Variants in TEKT5 observed in about 807,000 individuals in gnomAD.
TEKT5 encodes the protein tektin-5.
TEKT5 carries 52 observed loss-of-function variants against 48.7 expected under a neutral mutation model. That is an observed-to-expected ratio of 1.07 (90% CI 0.86 to 1.35). The LOEUF is 1.35. Among genes scored for constraint, TEKT5 ranks in the 40% most tolerant of loss-of-function variants. The pLI is 0.00. For missense variants in TEKT5, 831 were observed against 641.6 expected (o/e 1.30, Z -3.19); for synonymous variants, 318 against 267.6 (o/e 1.19, Z -1.84).
At chr16:10,673,948 G>A (rs116335898) in intron 5 of TEKT5, among the ~76,000 whole-genome samples, 3,458 of 152,066 alleles carry the variant, frequency 0.023, 145 homozygotes, top group East Asian at 0.17. Flanking sequence ...CACCACGCCC[G>A]GCCGCTGCAT....
chr16:10,670,427 G>A (rs1326279627), intron 5 of TEKT5, among the ~76,000 whole-genome samples: 1 of 152,058 alleles, frequency 6.6e-6, no homozygotes, highest in Non-Finnish European at 1.5e-5. Flanking sequence ...GCTGAGGCAG[G>A]AGAATCACTT....
In TEKT5 at chr16:10,694,332, T is replaced by G. The variant is rs373418548; in HGVS notation, c.542A>C (p.Asn181Thr). The stretch of plus-strand genomic sequence containing the variant: ...CACCTGCAATGGGCAGTTCACCTCA[T>G]TGGCCGCGCACTCCAGCCGCCTCTT... ...TVKRRLECAA[N>T]EVNCPLQVAL... The change falls in exon 1 of 7, where the codon AAT (asparagine) becomes ACT (threonine). Residue 181 changes from asparagine to threonine, a missense_variant. Transcript: ENST00000283025. The G allele has an allele frequency of 2.3e-5, 37 of 1,604,788 alleles. No homozygotes were observed. Among genetic ancestry groups the G allele is most frequent in the Non-Finnish European group, 3.0e-5 (35 of 1,175,186 alleles).
At chr16:10,633,605 CA>C (rs1366393873) in intron 6 of TEKT5, among the ~76,000 whole-genome samples, 1 of 151,638 alleles carries the variant, frequency 6.6e-6, no homozygotes, top group Non-Finnish European at 1.5e-5. Context: ...TGCAATGGCG[CA>C]ATCATAGCTC....
Position 10,691,775 on chromosome 16 carries a change from T to C in TEKT5, c.565-1750A>G, listed in dbSNP as rs1898982314. 2.0e-5 allele frequency among the ~76,000 whole-genome samples: 3 copies of C among 152,130 alleles called. No individual in the cohort carries two copies. In the South Asian group the frequency reaches 6.2e-4, roughly 32 times the overall value. ...CATACTGGCTAACACGGTGAAACCC[T>C]ATCTCTACTAAAACTACAAAAGATT... On this transcript the variant is annotated intron_variant, in intron 1 of 6. Coordinates refer to ENST00000283025, the MANE Select transcript of TEKT5 (RefSeq NM_144674.2).
At chr16:10,688,191 A>T (rs1273599470) in intron 3 of TEKT5, among the ~76,000 whole-genome samples, 1 of 152,218 alleles carries the variant, frequency 6.6e-6, no homozygotes, top group African/African-American at 2.4e-5. Flanking sequence ...CCTTTCAGCC[A>T]TCATCCCTCC....
At chr16:10,691,518 C>G (rs1053959263) in intron 1 of TEKT5, 7 of 152,520 alleles carry the variant, frequency 4.6e-5, no homozygotes, top group African/African-American at 1.7e-4. Flanking sequence ...GAAGGGAAAA[C>G]AGCAGGTGCA....
chr16:10,635,437 C>T (rs1370796197), intron 6 of TEKT5, among the ~76,000 whole-genome samples: 1 of 152,102 alleles, frequency 6.6e-6, no homozygotes, highest in African/African-American at 2.4e-5. Flanking sequence ...GGGAGGCGAC[C>T]ATTCATTGCC....
chr16:10,657,747 G>A (rs57655353), intron 5 of TEKT5, among the ~76,000 whole-genome samples: 8,528 of 148,884 alleles, frequency 0.057, 804 homozygotes, highest in African/African-American at 0.2. Context: ...CCACCACTAC[G>A]CCAAGCTAAT....
intron 1 of TEKT5, chr16:10,692,665 G>A (rs576342899): frequency 1.3e-5 from 2 of 152,278 alleles, no homozygotes; most frequent in African/African-American, 2.4e-5. Flanking sequence ...GACACACGAC[G>A]GACCTTCTAG....
chr16:10,678,095 G>C (rs1309006962), intron 4 of TEKT5, among the ~76,000 whole-genome samples: 1 of 152,136 alleles, frequency 6.6e-6, no homozygotes, highest in African/African-American at 2.4e-5. Context: ...AAGGCTTTGA[G>C]GAAGGGCATG....
In TEKT5 at chr16:10,694,915, A is replaced by G; in HGVS notation, c.-42T>C. The G allele has an allele frequency of 6.7e-7, 1 of 1,502,948 alleles. No homozygotes were observed. Among genetic ancestry groups the G allele is most frequent in the Non-Finnish European group, 8.8e-7 (1 of 1,130,612 alleles). The allele number at this position is 1,502,948 out of a possible 1,614,324, so 93.1% of individuals were successfully genotyped here. ...CACTCGGGCAAAACTCAGCTCAAGG[A>G]GCCAAAGGCATCACCAGGAAAGGTG... On this transcript the variant is annotated 5_prime_UTR_variant, in exon 1 of 7. Transcript: ENST00000283025.
At position 10,692,186 on chromosome 16, in the gene TEKT5, T is replaced by G. The variant is rs151293113; in HGVS notation, c.564+2124A>C. ...CAAATGTGACCAGGCAAAGCTGGAC[T>G]TTCCAGACAGGATGGGGGAGTGAGA... is the stretch of plus-strand genomic sequence containing the variant. On this transcript the variant is annotated intron_variant, in intron 1 of 6. Coordinates refer to ENST00000283025, the MANE Select transcript of TEKT5 (RefSeq NM_144674.2). 1.4e-3 allele frequency among the ~76,000 whole-genome samples: 216 copies of G among 152,236 alleles called. 2 individuals are homozygous for G. The highest frequency in any genetic ancestry group is 4.9e-3 in the African/African-American group (205 of 41,532).
At chr16:10,669,414 G>A (rs966346108) in intron 5 of TEKT5, among the ~76,000 whole-genome samples, 5 of 152,064 alleles carry the variant, frequency 3.3e-5, no homozygotes, top group East Asian at 1.9e-4. Context: ...AGCCGAGATC[G>A]TGCCACTGCA....
At chr16:10,689,447 G>T in intron 2 of TEKT5, 124 bp from the exon 3 acceptor site, 1 of 820,296 alleles carries the variant, frequency 1.2e-6, no homozygotes, top group Non-Finnish European at 1.9e-6. Flanking sequence ...GAGGTGAAAT[G>T]TCAGCGTGGG....
chr16:10,680,651 C>T (rs1024060789), intron 4 of TEKT5, among the ~76,000 whole-genome samples: 2 of 151,778 alleles, frequency 1.3e-5, no homozygotes, highest in Admixed American at 1.3e-4. Context: ...AAATGTGGCA[C>T]ATATACACCA....
chr16:10,661,126 A>G (rs754315091), intron 5 of TEKT5, among the ~76,000 whole-genome samples: 1 of 152,204 alleles, frequency 6.6e-6, no homozygotes, highest in Non-Finnish European at 1.5e-5. Context: ...TGCAGACAAC[A>G]TGAAAATGTA....
At chr16:10,630,455 G>A (rs1294930302) in intron 6 of TEKT5, among the ~76,000 whole-genome samples, 3 of 152,032 alleles carry the variant, frequency 2.0e-5, no homozygotes, top group African/African-American at 7.2e-5. Context: ...CCTCCAGGTT[G>A]GTCTCAAACT....
intron 5 of TEKT5, among the ~76,000 whole-genome samples, chr16:10,655,135 G>A (rs556742727): frequency 5.7e-4 from 87 of 152,094 alleles, no homozygotes; most frequent in Middle Eastern, 6.8e-3. Flanking sequence ...AACAATTGAG[G>A]ACTACATTTA....
intron 5 of TEKT5, among the ~76,000 whole-genome samples, chr16:10,669,939 C>G (rs376884409): frequency 6.6e-6 from 1 of 152,320 alleles, no homozygotes; most frequent in Admixed American, 6.5e-5. Context: ...ACAGTGATAC[C>G]TGGAGCCTCA....
Sources: gnomAD v4.1 joint callset for allele counts (sites outside exome capture counted in the v4.1 genomes callset) on GRCh38, gnomAD v4.1.1 for gene constraint, MANE v1.5 for transcripts, NCBI Gene and HGNC (gene_info 2026-07-23, HGNC 2026-07-21) for gene names.